The following CHN1 variants were observed in gnomAD, a reference collection of about 807,000 sequenced individuals.
CHN1 encodes the protein chimerin 1.
Under a neutral mutation model 59.5 loss-of-function variants are expected in CHN1, and 37 were observed. That is an observed-to-expected ratio of 0.62 (90% confidence interval 0.48 to 0.82). CHN1 has a LOEUF of 0.82. Ranked by LOEUF, CHN1 falls within the 40% of genes least tolerant of loss-of-function variation. CHN1 has a pLI of 0.00. For missense variants in CHN1, 469 were observed against 571.0 expected (o/e 0.82, Z 1.82); for synonymous variants, 206 against 200.4 (o/e 1.03, Z -0.24).
At chr2:174,986,874 C>A (rs1258027274) in intron 1 of CHN1, among the ~76,000 whole-genome samples, 1 of 151,594 alleles carries the variant, frequency 6.6e-6, no homozygotes, top group Non-Finnish European at 1.5e-5. Flanking sequence ...GTAGCTGGGA[C>A]TACAGGCGCC....
intron 5 of CHN1, among the ~76,000 whole-genome samples, chr2:174,882,053 C>A (rs1339983556): frequency 6.6e-6 from 1 of 152,174 alleles, no homozygotes; most frequent in East Asian, 1.9e-4. Flanking sequence ...AGATAATTTT[C>A]TTTTCATCTT....
chr2:174,812,148 A>G, intron 9 of CHN1, 161 bp downstream of exon 9: 1 of 478,716 alleles, frequency 2.1e-6, no homozygotes, highest in Non-Finnish European at 3.5e-6. Flanking sequence ...TTTAATTGTT[A>G]AATTAATTCA....
chr2:174,810,303 C>T (rs1685029927), intron 10 of CHN1, among the ~76,000 whole-genome samples: 1 of 152,182 alleles, frequency 6.6e-6, no homozygotes, highest in South Asian at 2.1e-4. Context: ...GGTACACATC[C>T]TTGGGAGGCC....
chr2:174,876,439 A>C (rs1687567892), intron 6 of CHN1, among the ~76,000 whole-genome samples: 1 of 152,200 alleles, frequency 6.6e-6, no homozygotes, highest in Non-Finnish European at 1.5e-5. Flanking sequence ...AATGCCATAA[A>C]TGGAAAATCA....
intron 5 of CHN1, among the ~76,000 whole-genome samples, chr2:174,894,894 C>T (rs1211483142): frequency 2.6e-5 from 4 of 151,996 alleles, no homozygotes; most frequent in African/African-American, 7.2e-5. Flanking sequence ...TTCTGAATAG[C>T]GTGATGAAAT....
At chr2:174,961,930 G>T (rs1321693328) in intron 1 of CHN1, among the ~76,000 whole-genome samples, 1 of 152,186 alleles carries the variant, frequency 6.6e-6, no homozygotes, top group Non-Finnish European at 1.5e-5. Flanking sequence ...CTTTGAGAAT[G>T]AGTATTTTAA....
chr2:174,957,662 C>T (rs1017382430), intron 1 of CHN1, among the ~76,000 whole-genome samples: 4 of 152,204 alleles, frequency 2.6e-5, no homozygotes, highest in East Asian at 1.9e-4. Flanking sequence ...CTATGTGTGT[C>T]TCCACTTCCT....
At chr2:174,928,615 G>A (rs1003115677) in intron 3 of CHN1, among the ~76,000 whole-genome samples, 1 of 152,118 alleles carries the variant, frequency 6.6e-6, no homozygotes, top group Admixed American at 6.5e-5. Flanking sequence ...CATGGGAGAG[G>A]TATATGACTG....
Position 174,806,758 on chromosome 2 carries a change from C to A in CHN1, c.1102+2147G>T, listed in dbSNP as rs151074101. On this transcript the variant is annotated intron_variant, in intron 11 of 12. Transcript: ENST00000409900. Reference sequence around the variant, plus strand: ...GTCTATGCTCTATAAATGTTAATTTCTCTCATCTTCCTTGTCTGCCTTTTA... The same window carrying A: ...GTCTATGCTCTATAAATGTTAATTTATCTCATCTTCCTTGTCTGCCTTTTA... 4.9e-3 allele frequency among the ~76,000 whole-genome samples: 745 copies of A among 152,322 alleles called. 1 individual carries two copies. Among genetic ancestry groups the A allele is most frequent in the Admixed American group, 0.014 (220 of 15,308 alleles).
intron 3 of CHN1, among the ~76,000 whole-genome samples, chr2:174,925,028 A>C (rs1689130219): frequency 6.6e-6 from 1 of 152,232 alleles, no homozygotes; most frequent in Non-Finnish European, 1.5e-5. Context: ...AGAAGTGAAG[A>C]GAAGAAAAAT....
chr2:174,890,396 C>T lies in CHN1; in HGVS notation c.261-12268G>A, dbSNP rs563281465. 2.6e-5 allele frequency among the ~76,000 whole-genome samples: 4 copies of T among 152,180 alleles called. No individual in the cohort carries two copies. The South Asian group carries it at 8.3e-4, about 32-fold the overall frequency. On this transcript the variant is annotated intron_variant, in intron 5 of 12. Transcript: ENST00000409900. ...AGATATAGTAAGTATAAATATAAGGCTATAGGCACTTAGCCAGCTACAGTA... is the reference window on the plus strand; with the variant it reads ...AGATATAGTAAGTATAAATATAAGGTTATAGGCACTTAGCCAGCTACAGTA...
intron 3 of CHN1, among the ~76,000 whole-genome samples, chr2:174,941,120 T>C (rs1417039904): frequency 1.3e-5 from 2 of 152,210 alleles, no homozygotes; most frequent in Admixed American, 1.3e-4. Context: ...ATGTTCAAAT[T>C]GTTTCAAGTT....
intron 1 of CHN1, among the ~76,000 whole-genome samples, chr2:174,999,720 G>C (rs551703123): frequency 6.6e-6 from 1 of 152,148 alleles, no homozygotes; most frequent in Non-Finnish European, 1.5e-5. Flanking sequence ...TATATCTACA[G>C]TACATAAACA....
At chr2:174,891,583 A>G (rs1688053178) in intron 5 of CHN1, among the ~76,000 whole-genome samples, 1 of 151,358 alleles carries the variant, frequency 6.6e-6, no homozygotes, top group Non-Finnish European at 1.5e-5. Context: ...AAAAAAAAAG[A>G]AAAAAAAGAA....
At position 174,877,262 on chromosome 2, in the gene CHN1, T is replaced by C. The variant is rs572114246; in HGVS notation, c.549+578A>G. Reference sequence around the variant, plus strand: ...TTGTCTTTTAGAATTAATTGTCTTTTATAATTAAGGAAAAGTAAAAGTGAA... The same window carrying C: ...TTGTCTTTTAGAATTAATTGTCTTTCATAATTAAGGAAAAGTAAAAGTGAA... On this transcript the variant is annotated intron_variant, in intron 6 of 12. Transcript: ENST00000409900. Among the ~76,000 whole-genome samples, 26 of 152,312 alleles carry C rather than the reference T, an allele frequency of 1.7e-4. No individual in the cohort carries two copies. In the South Asian group the frequency reaches 5.4e-3, roughly 32 times the overall value.
chr2:174,846,463 C>CA, intron 7 of CHN1: 4 of 1,509,736 alleles, frequency 2.6e-6, no homozygotes, highest in Non-Finnish European at 3.5e-6. Flanking sequence ...ACCATCTGCT[C>CA]AATCCAGATG....
chr2:174,830,905 C>T (rs1345826718), intron 7 of CHN1, among the ~76,000 whole-genome samples: 1 of 152,154 alleles, frequency 6.6e-6, no homozygotes, highest in African/African-American at 2.4e-5. Flanking sequence ...TGACAAATGA[C>T]AGAAAATTGG....
At chr2:174,866,812 TTCTC>T (rs1327703427) in intron 6 of CHN1, among the ~76,000 whole-genome samples, 1 of 152,182 alleles carries the variant, frequency 6.6e-6, no homozygotes, top group Non-Finnish European at 1.5e-5. Flanking sequence ...AGAAAAATGT[TTCTC>T]TCATATAGTT....
chr2:174,946,954 T>A (rs900110615), intron 2 of CHN1, among the ~76,000 whole-genome samples: 1 of 149,650 alleles, frequency 6.7e-6, no homozygotes, highest in Admixed American at 6.7e-5. Flanking sequence ...TCCATATTGG[T>A]ACCTATAAGG....
Sources: gnomAD v4.1 joint callset for allele counts (sites outside exome capture counted in the v4.1 genomes callset) on GRCh38, gnomAD v4.1.1 for gene constraint, MANE v1.5 for transcripts, NCBI Gene and HGNC (gene_info 2026-07-23, HGNC 2026-07-21) for gene names.